FRS2: variants seen among roughly 807,000 people sequenced by gnomAD.
The protein encoded by FRS2 is fibroblast growth factor receptor substrate 2.
A neutral mutation model predicts 43.9 loss-of-function variants in FRS2; 8 were observed. That is an observed-to-expected ratio of 0.18 (90% confidence interval 0.11 to 0.33). The LOEUF (loss-of-function observed/expected upper bound fraction) is 0.33, where lower values mean the gene tolerates loss of function less well. Among genes scored for constraint, FRS2 ranks in the 10% least tolerant of loss-of-function variants. The probability of loss-of-function intolerance (pLI) is 1.00; values close to 1 mark genes in which losing one functional copy is unlikely to be tolerated. For synonymous variants in FRS2, 219 were observed against 220.3 expected, an observed-to-expected ratio of 0.99 and a Z score of 0.05; for missense variants, 534 against 627.6, an observed-to-expected ratio of 0.85 and a Z score of 1.59.
At chr12:69,550,790 A>G (rs1284118915) in intron 3 of FRS2, among the ~76,000 whole-genome samples, 2 of 152,230 alleles carry the variant, frequency 1.3e-5, no homozygotes, top group Admixed American at 1.3e-4. Context: ...CATGTGGAAA[A>G]TTTAAAACTT....
intron 1 of FRS2, among the ~76,000 whole-genome samples, chr12:69,510,726 A>G (rs1018978808): frequency 3.3e-5 from 5 of 152,204 alleles, no homozygotes; most frequent in Admixed American, 6.5e-5. Flanking sequence ...AATAGAGACA[A>G]TAATAGCTAG....
chr12:69,536,113 TTTTTTTTTTTTTTTTTTTTTTTTTTTTTG>T (rs373939012), intron 3 of FRS2, among the ~76,000 whole-genome samples: 13,507 of 70,132 alleles, frequency 0.19, 1,029 homozygotes, highest in Non-Finnish European at 0.23. Flanking sequence ...TTTTTTTTTT[TTTTTTTTTTTTTTTTTTTTTTTTTTTTTG>T]GAGACGAAGT....
chr12:69,568,943 T>C, intron 4 of FRS2, 62 bp from the exon 5 acceptor site: 2 of 770,130 alleles, frequency 2.6e-6, no homozygotes, highest in Admixed American at 5.4e-5. Flanking sequence ...CTAAAGTCTT[T>C]TTCTGTTTAC....
At position 69,570,596 on chromosome 12, in the gene FRS2, A is replaced by G. The variant is rs1880668884; in HGVS notation, c.253+79A>G. ...TATTCTGTATACAAAGATTAAATTAATATTTTTCTTCTGAAAAAAATCCCA... is the reference window on the plus strand; with the variant it reads ...TATTCTGTATACAAAGATTAAATTAGTATTTTTCTTCTGAAAAAAATCCCA... On this transcript the variant is annotated intron_variant, in intron 6 of 8. Coordinates refer to ENST00000549921, the MANE Select transcript of FRS2 (RefSeq NM_001278356.2). 5 of 838,478 alleles carry G rather than the reference A, an allele frequency of 6.0e-6. No individual in the cohort carries two copies. In the South Asian group the frequency reaches 8.6e-5, roughly 14 times the overall value. 51.9% of individuals were successfully genotyped at this position (838,478 alleles called of 1,614,324 possible).
chr12:69,501,055 A>C (rs533230033), intron 1 of FRS2, among the ~76,000 whole-genome samples: 4 of 152,310 alleles, frequency 2.6e-5, no homozygotes, highest in African/African-American at 9.6e-5. Flanking sequence ...ATTTTAAAGA[A>C]TATCTAAGGG....
intron 1 of FRS2, among the ~76,000 whole-genome samples, chr12:69,503,496 A>G (rs953709586): frequency 6.6e-6 from 1 of 152,150 alleles, no homozygotes; most frequent in Non-Finnish European, 1.5e-5. Context: ...AATTCTGCCT[A>G]CTACTGACAG....
chr12:69,490,410 A>G (rs1268270383), intron 1 of FRS2, among the ~76,000 whole-genome samples: 1 of 149,840 alleles, frequency 6.7e-6, no homozygotes, highest in Non-Finnish European at 1.5e-5. Flanking sequence ...TCCATTAGAA[A>G]AATACCTTGA....
chr12:69,557,519 A>G (rs1665056469), intron 3 of FRS2, among the ~76,000 whole-genome samples: 1 of 151,976 alleles, frequency 6.6e-6, no homozygotes, highest in Non-Finnish European at 1.5e-5. Context: ...TGGTGTTGCT[A>G]GAGGATGGTA....
At chr12:69,476,033 C>G (rs569168369) in intron 1 of FRS2, among the ~76,000 whole-genome samples, 1 of 152,258 alleles carries the variant, frequency 6.6e-6, no homozygotes, top group African/African-American at 2.4e-5. Flanking sequence ...TGGTCACCCT[C>G]TCCTTCCTCG....
In FRS2 at chr12:69,470,462, GC is replaced by G; in HGVS notation, c.-328del. 1 of 398,600 alleles carries G rather than the reference GC, an allele frequency of 2.5e-6. No homozygotes were observed. Among genetic ancestry groups the G allele is most frequent in the South Asian group, 1.3e-4 (1 of 7,856 alleles). 24.7% of individuals were successfully genotyped at this position (398,600 alleles called of 1,614,324 possible). A position where few individuals can be genotyped will look rare whatever the true frequency, so the allele number is the denominator to read the frequency against. ...ATCTGCTCCAAGTAGGGGCTCCAGC[GC>G]GGGTCGGAGTCTGGGGGTTCGCGCC... On this transcript the variant is annotated 5_prime_UTR_variant, in exon 1 of 9. Coordinates refer to ENST00000549921, the MANE Select transcript of FRS2 (RefSeq NM_001278356.2).
At chr12:69,543,662 A>G (rs1878116126) in intron 3 of FRS2, among the ~76,000 whole-genome samples, 1 of 152,186 alleles carries the variant, frequency 6.6e-6, no homozygotes, top group African/African-American at 2.4e-5. Flanking sequence ...TTCTTCAATA[A>G]ATTGATTTGT....
intron 3 of FRS2, among the ~76,000 whole-genome samples, chr12:69,538,809 A>T (rs903380994): frequency 1.3e-5 from 2 of 152,200 alleles, no homozygotes; most frequent in Non-Finnish European, 2.9e-5. Context: ...ATAAAAAGTG[A>T]TAATACCCTA....
At chr12:69,567,297 G>A (rs1306155448) in intron 4 of FRS2, among the ~76,000 whole-genome samples, 2 of 152,082 alleles carry the variant, frequency 1.3e-5, no homozygotes, top group African/African-American at 4.8e-5. Context: ...AATATCATGA[G>A]TCTTAATTAA....
chr12:69,494,619 G>C (rs996255563), intron 1 of FRS2, among the ~76,000 whole-genome samples: 4 of 152,104 alleles, frequency 2.6e-5, no homozygotes, highest in African/African-American at 9.7e-5. Context: ...AACATCCCTG[G>C]CTCTACCTAA....
chr12:69,569,060 A>G lies in FRS2; in HGVS notation c.30A>G (p.Lys10=), dbSNP rs554759899. 6.2e-7 allele frequency: 1 copy of G among 1,612,480 alleles called. No homozygotes were observed. Among genetic ancestry groups the G allele is most frequent in the South Asian group, 1.1e-5 (1 of 90,882 alleles). ...GTAGCTGTTGTAGCTGTCCAGATAA[A>G]GACACTGTCCCAGATAACCATCGGA... MGSCCSCPD[K]DTVPDNHRNK... The change falls in exon 5 of 9, where the codon AAA becomes AAG. Residue 10 remains lysine (K), a synonymous_variant. Coordinates refer to ENST00000549921, the MANE Select transcript of FRS2 (RefSeq NM_001278356.2).
chr12:69,485,472 G>A (rs549536807), intron 1 of FRS2, among the ~76,000 whole-genome samples: 171 of 144,294 alleles, frequency 1.2e-3, no homozygotes, highest in African/African-American at 4.0e-3. Context: ...GTGAGCCACC[G>A]CGCCCAGCCT....
At chr12:69,482,073 GTGTATAA>G (rs1871396434) in intron 1 of FRS2, among the ~76,000 whole-genome samples, 1 of 150,408 alleles carries the variant, frequency 6.6e-6, no homozygotes, top group Admixed American at 6.7e-5. Flanking sequence ...CTATATATAT[GTGTATAA>G]TGTATAAGTA....
chr12:69,563,693 G>A (rs1316324989), intron 4 of FRS2, among the ~76,000 whole-genome samples: 1 of 152,128 alleles, frequency 6.6e-6, no homozygotes. Flanking sequence ...CTTTTCTTGG[G>A]TAGCTCCTTG....
At chr12:69,546,082 T>G (rs1878379176) in intron 3 of FRS2, among the ~76,000 whole-genome samples, 1 of 152,132 alleles carries the variant, frequency 6.6e-6, no homozygotes, top group African/African-American at 2.4e-5. Flanking sequence ...AAGAAAAAAC[T>G]TCTGAAACTC....
Sources: gnomAD v4.1 joint callset for allele counts (sites outside exome capture counted in the v4.1 genomes callset) on GRCh38, gnomAD v4.1.1 for gene constraint, MANE v1.5 for transcripts, NCBI Gene and HGNC (gene_info 2026-07-23, HGNC 2026-07-21) for gene names.